Variants in VPS13B observed in about 807,000 individuals in gnomAD.
VPS13B encodes the protein intermembrane lipid transfer protein VPS13B.
In VPS13B, 285 loss-of-function variants were observed where a neutral mutation model predicts 426.4. The observed-to-expected ratio is 0.67, with a 90% CI of 0.61 to 0.74. The LOEUF is 0.74. Ranked by LOEUF, VPS13B falls within the 30% of genes least tolerant of loss-of-function variation. The pLI, the probability that VPS13B is intolerant of heterozygous loss-of-function variation, is 0.00. For synonymous variants in VPS13B, 1,676 were observed against 1,676.4 expected (o/e 1.00, Z 0.01); for missense variants, 4,537 against 4,782.6 (o/e 0.95, Z 1.51).
chr8:99,493,780 TAAAAAAAAAAA>T (rs376555643), intron 25 of VPS13B, among the ~76,000 whole-genome samples: 2 of 61,166 alleles, frequency 3.3e-5, no homozygotes, highest in East Asian at 4.6e-4. Context: ...AGACTCTATC[TAAAAAAAAAAA>T]AAAAAAAAAA....
chr8:99,540,866 A>C (rs1187699448), intron 30 of VPS13B, among the ~76,000 whole-genome samples: 1 of 152,058 alleles, frequency 6.6e-6, no homozygotes, highest in Non-Finnish European at 1.5e-5. Context: ...CATGTTTTAA[A>C]TGTTTGTCTT....
chr8:99,438,756 T>C (rs1460790336), intron 22 of VPS13B, among the ~76,000 whole-genome samples: 2 of 152,104 alleles, frequency 1.3e-5, no homozygotes, highest in Non-Finnish European at 2.9e-5. Flanking sequence ...AGGAAAACTG[T>C]GATTTGGGTG....
At chr8:99,013,675 G>A (rs1841440000) in intron 1 of VPS13B, 85 bp from the exon 2 acceptor site, 5 of 1,314,574 alleles carry the variant, frequency 3.8e-6, no homozygotes, top group Non-Finnish European at 4.4e-6. Flanking sequence ...CTTTGGTGGG[G>A]ACTTACTGCT....
At chr8:99,186,780 A>G (rs890678755) in intron 16 of VPS13B, among the ~76,000 whole-genome samples, 3 of 152,130 alleles carry the variant, frequency 2.0e-5, no homozygotes, top group African/African-American at 7.2e-5. Context: ...ACTTTTGTAC[A>G]AAGTAAGCTT....
At chr8:99,550,909 ATACTAATT>A (rs1170892228) in intron 30 of VPS13B, among the ~76,000 whole-genome samples, 12 of 152,196 alleles carry the variant, frequency 7.9e-5, no homozygotes, top group Admixed American at 6.6e-4. Flanking sequence ...AGTCTATATG[ATACTAATT>A]CACTGAAATG....
At chr8:99,242,047 C>T (rs191980524) in intron 17 of VPS13B, among the ~76,000 whole-genome samples, 1 of 152,072 alleles carries the variant, frequency 6.6e-6, no homozygotes, top group African/African-American at 2.4e-5. Flanking sequence ...ATGGCGTGGT[C>T]TCGGCTCACT....
intron 58 of VPS13B, among the ~76,000 whole-genome samples, chr8:99,862,431 A>C (rs1816887316): frequency 6.6e-6 from 1 of 152,224 alleles, no homozygotes; most frequent in Admixed American, 6.5e-5. Flanking sequence ...AGCCTGATTC[A>C]GAGTAATTAT....
chr8:99,653,072 A>G (rs72676224), intron 34 of VPS13B, among the ~76,000 whole-genome samples: 1,983 of 152,302 alleles, frequency 0.013, 22 homozygotes, highest in Non-Finnish European at 0.021. Flanking sequence ...TTTCATGCAA[A>G]CAGCTAAATT....
chr8:99,442,423 TG>T lies in VPS13B; in HGVS notation c.3234del (p.Phe1079LeufsTer22). The T allele has an allele frequency of 1.2e-6, 2 of 1,613,944 alleles. No individual in the cohort carries two copies. Among genetic ancestry groups the T allele is most frequent in the Non-Finnish European group, 8.5e-7 (1 of 1,179,846 alleles). ...TAGCTTGAAGTACAATCTTGTTGTGTGTTTATTCCAAATGATAGCCTGCCTT... is the reference window on the plus strand; with the variant it reads ...TAGCTTGAAGTACAATCTTGTTGTGTTTTATTCCAAATGATAGCCTGCCTT... ...TLQLEVQSCC[V>X]FIPNDSLPSP... On this transcript the variant is annotated frameshift_variant, in exon 23 of 62. Transcript: ENST00000357162. LOFTEE classifies it high-confidence loss of function.
intron 7 of VPS13B, chr8:99,119,300 G>C (rs2132509491): frequency 6.6e-6 from 1 of 152,220 alleles, no homozygotes; most frequent in Middle Eastern, 3.4e-3. Context: ...GAGTATGATG[G>C]CATGATCATA....
chr8:99,706,277 C>T (rs1832493393), intron 36 of VPS13B, among the ~76,000 whole-genome samples: 2 of 152,140 alleles, frequency 1.3e-5, no homozygotes, highest in Admixed American at 1.3e-4. Context: ...AGGCTCCCAG[C>T]AGCCGGGGTA....
At position 99,039,545 on chromosome 8, in the gene VPS13B, G is replaced by T. The variant is rs566939342; in HGVS notation, c.291+979G>T. On this transcript the variant is annotated intron_variant, in intron 3 of 61. Coordinates refer to ENST00000357162, the MANE Select transcript of VPS13B (RefSeq NM_152564.5). ...TGTGTCTGTCATTCATTTTTATTAG[G>T]TTTTTTTTTTTTTTTAGCACCCACT... 4.3e-3 allele frequency among the ~76,000 whole-genome samples: 588 copies of T among 136,972 alleles called. 7 individuals carry two copies. Among genetic ancestry groups the T allele is most frequent in the African/African-American group, 0.015 (559 of 37,800 alleles). 89.9% of individuals were successfully genotyped at this position (136,972 alleles called of 152,430 possible). A position where few individuals can be genotyped will look rare whatever the true frequency, so the allele number is the denominator to read the frequency against.
intron 34 of VPS13B, among the ~76,000 whole-genome samples, chr8:99,644,647 C>A (rs977865899): frequency 5.3e-5 from 8 of 152,102 alleles, no homozygotes; most frequent in Non-Finnish European, 8.8e-5. Context: ...TCATGGATGC[C>A]TTTCCCTACA....
At chr8:99,464,224 G>T (rs1240287782) in intron 23 of VPS13B, among the ~76,000 whole-genome samples, 1 of 152,134 alleles carries the variant, frequency 6.6e-6, no homozygotes, top group Non-Finnish European at 1.5e-5. Context: ...AGGCATTTTT[G>T]TTGTTGTTTC....
intron 23 of VPS13B, among the ~76,000 whole-genome samples, chr8:99,454,952 G>A (rs939412139): frequency 2.0e-4 from 30 of 152,058 alleles, no homozygotes; most frequent in Non-Finnish European, 5.9e-5. Context: ...AAGGTCTTTG[G>A]CCCATTTTTA....
At chr8:99,581,694 C>G (rs11986595) in intron 33 of VPS13B, among the ~76,000 whole-genome samples, 1 of 151,860 alleles carries the variant, frequency 6.6e-6, no homozygotes, top group Non-Finnish European at 1.5e-5. Context: ...AGTCATGTCA[C>G]GTTAATACTA....
At chr8:99,545,551 G>C (rs1823924475) in intron 30 of VPS13B, among the ~76,000 whole-genome samples, 1 of 152,028 alleles carries the variant, frequency 6.6e-6, no homozygotes. Flanking sequence ...GCATAACTCT[G>C]GGTTATGTAT....
At chr8:99,447,052 C>T (rs1399751161) in intron 23 of VPS13B, among the ~76,000 whole-genome samples, 1 of 152,110 alleles carries the variant, frequency 6.6e-6, no homozygotes, top group African/African-American at 2.4e-5. Flanking sequence ...ACGTGATTGC[C>T]TAATTCCTGC....
chr8:99,783,086 A>G (rs933581903), intron 42 of VPS13B, among the ~76,000 whole-genome samples: 2 of 152,188 alleles, frequency 1.3e-5, no homozygotes, highest in Non-Finnish European at 2.9e-5. Flanking sequence ...GATTAGGAGT[A>G]GATTCTGTTT....
Sources: allele counts gnomAD v4.1 joint callset (sites outside exome capture counted in the v4.1 genomes callset), GRCh38; gene constraint gnomAD v4.1.1; transcripts MANE v1.5; gene names NCBI Gene and HGNC (gene_info 2026-07-23, HGNC 2026-07-21).